Variants in PDE4D observed in about 807,000 individuals in gnomAD.
PDE4D encodes the protein 3',5'-cyclic-AMP phosphodiesterase 4D.
In PDE4D, 24 loss-of-function variants were observed where a neutral mutation model predicts 87.4. That is an observed-to-expected ratio of 0.27 (90% CI 0.20 to 0.39). The LOEUF (loss-of-function observed/expected upper bound fraction) is 0.39. Ranked by LOEUF, PDE4D falls within the 10% of genes least tolerant of loss-of-function variation. PDE4D has a pLI of 1.00. For synonymous variants in PDE4D, 384 were observed against 383.2 expected, an observed-to-expected ratio of 1.00 and a Z score of -0.02; for missense variants, 714 against 1,041.0, an observed-to-expected ratio of 0.69 and a Z score of 4.32.
chr5:59,542,161 C>T (rs1439796711), intron 1 of PDE4D, among the ~76,000 whole-genome samples: 1 of 152,106 alleles, frequency 6.6e-6, no homozygotes, highest in Non-Finnish European at 1.5e-5. Context: ...TTCTAGTATC[C>T]TAGTGCTATT....
chr5:59,189,232 G>GTTTTTTTTTTGTTTTTTTT (rs1561662951), intron 3 of PDE4D, among the ~76,000 whole-genome samples: 2 of 99,898 alleles, frequency 2.0e-5, no homozygotes, highest in Non-Finnish European at 2.1e-5. Flanking sequence ...TTCCTACCCC[G>GTTTTTTTTTTGTTTTTTTT]TTTTTTTTTT....
At chr5:60,498,685 A>G in intron 1 of PDE4D, among the ~76,000 whole-genome samples, 1 of 152,322 alleles carries the variant, frequency 6.6e-6, no homozygotes, top group South Asian at 2.1e-4. Flanking sequence ...CTCTTATGGT[A>G]TCTAGCTTTT....
chr5:59,931,691 C>CT (rs1451184343), intron 3 of PDE4D, among the ~76,000 whole-genome samples: 4 of 94,296 alleles, frequency 4.2e-5, no homozygotes, highest in Non-Finnish European at 8.7e-5. Flanking sequence ...TTTTCTTCTT[C>CT]TTCTTTTTTT....
intron 5 of PDE4D, among the ~76,000 whole-genome samples, chr5:59,175,475 T>G (rs6882478): frequency 5.1e-5 from 1 of 19,678 alleles, no homozygotes; most frequent in Non-Finnish European, 1.2e-4. Context: ...TTCTTTCTTT[T>G]TTTTTTTTTT....
chr5:59,759,875 T>G (rs1172735250), intron 1 of PDE4D, among the ~76,000 whole-genome samples: 1 of 152,212 alleles, frequency 6.6e-6, no homozygotes, highest in Non-Finnish European at 1.5e-5. Flanking sequence ...AGCAATGCTC[T>G]TCTCCGGGTA....
chr5:59,714,858 C>T (rs1754765143), intron 1 of PDE4D, among the ~76,000 whole-genome samples: 2 of 152,230 alleles, frequency 1.3e-5, no homozygotes. Flanking sequence ...CTGAGACTGA[C>T]TTCCTGGCAG....
At chr5:59,884,576 T>C (rs546166953) in intron 1 of PDE4D, among the ~76,000 whole-genome samples, 1 of 152,168 alleles carries the variant, frequency 6.6e-6, no homozygotes, top group East Asian at 1.9e-4. Context: ...GGTTTCCAGA[T>C]GTATACTATT....
chr5:59,923,553 G>C (rs1172252997), intron 3 of PDE4D, among the ~76,000 whole-genome samples: 4 of 152,164 alleles, frequency 2.6e-5, no homozygotes, highest in Non-Finnish European at 4.4e-5. Flanking sequence ...AGTAAAAGAA[G>C]AGGACAAGAA....
chr5:59,609,501 G>A (rs1828702000), intron 1 of PDE4D, among the ~76,000 whole-genome samples: 1 of 152,010 alleles, frequency 6.6e-6, no homozygotes, highest in African/African-American at 2.4e-5. Flanking sequence ...ACTTCTGGGG[G>A]AAACCACTGA....
intron 1 of PDE4D, among the ~76,000 whole-genome samples, chr5:59,585,552 C>T (rs891680415): frequency 5.3e-5 from 8 of 151,952 alleles, no homozygotes; most frequent in Non-Finnish European, 7.4e-5. Flanking sequence ...TCCAGCTGAC[C>T]CTAAAGGTAT....
chr5:59,321,476 AT>A (rs1774713196), intron 1 of PDE4D, among the ~76,000 whole-genome samples: 1 of 152,182 alleles, frequency 6.6e-6, no homozygotes, highest in Non-Finnish European at 1.5e-5. Flanking sequence ...TAAATCTGGC[AT>A]CTTGCTCATC....
intron 1 of PDE4D, among the ~76,000 whole-genome samples, chr5:60,268,935 A>G (rs1750524231): frequency 6.6e-6 from 1 of 152,352 alleles, no homozygotes; most frequent in East Asian, 1.9e-4. Context: ...GAAAAATTGA[A>G]AAGTGTAGGC....
At chr5:59,675,902 G>A (rs1409760447) in intron 1 of PDE4D, among the ~76,000 whole-genome samples, 1 of 151,958 alleles carries the variant, frequency 6.6e-6, no homozygotes, top group Non-Finnish European at 1.5e-5. Flanking sequence ...ATGTTGCCCT[G>A]GCTGATCTCA....
intron 1 of PDE4D, among the ~76,000 whole-genome samples, chr5:60,352,881 C>T (rs904554278): frequency 3.3e-5 from 5 of 151,974 alleles, no homozygotes; most frequent in Non-Finnish European, 7.4e-5. Flanking sequence ...AGTGGTACTC[C>T]CACAAATGTC....
At chr5:60,032,407 T>G (rs935217906) in intron 2 of PDE4D, among the ~76,000 whole-genome samples, 8 of 152,218 alleles carry the variant, frequency 5.3e-5, no homozygotes, top group African/African-American at 1.9e-4. Flanking sequence ...TGCTCTTTGT[T>G]AACTTCTCTC....
intron 1 of PDE4D, among the ~76,000 whole-genome samples, chr5:59,722,519 T>C (rs1051395242): frequency 2.0e-5 from 3 of 152,196 alleles, no homozygotes; most frequent in Non-Finnish European, 4.4e-5. Flanking sequence ...GCCATTTCTT[T>C]AATTCTTTCC....
chr5:59,745,018 T>A (rs1759401916), intron 1 of PDE4D, among the ~76,000 whole-genome samples: 1 of 152,136 alleles, frequency 6.6e-6, no homozygotes, highest in Admixed American at 6.6e-5. Context: ...AAGGGTAAAA[T>A]CTGTATTTCC....
At chr5:60,197,154 G>T (rs1191003154) in intron 1 of PDE4D, among the ~76,000 whole-genome samples, 1 of 151,380 alleles carries the variant, frequency 6.6e-6, no homozygotes, top group Non-Finnish European at 1.5e-5. Flanking sequence ...CTGAAAGAGA[G>T]AAGGAAAGGT....
intron 1 of PDE4D, among the ~76,000 whole-genome samples, chr5:59,236,736 C>T (rs137880208): frequency 2.6e-5 from 4 of 151,310 alleles, no homozygotes; most frequent in East Asian, 2.0e-4. Flanking sequence ...CCACTTTCTA[C>T]GCTGCTGTTG....
Sources: gnomAD v4.1 joint callset for allele counts (sites outside exome capture counted in the v4.1 genomes callset) on GRCh38, gnomAD v4.1.1 for gene constraint, MANE v1.5 for transcripts, NCBI Gene and HGNC (gene_info 2026-07-23, HGNC 2026-07-21) for gene names.